Variants in GPM6A observed in about 807,000 individuals in gnomAD.
The protein encoded by GPM6A is neuronal membrane glycoprotein M6-a.
Under a neutral mutation model 32.1 loss-of-function variants are expected in GPM6A, and 7 were observed. The observed-to-expected ratio is 0.22, with a 90% CI of 0.12 to 0.41. GPM6A has a LOEUF of 0.41. Among genes scored for constraint, GPM6A ranks in the 10% least tolerant of loss-of-function variants. The pLI is 1.00. For synonymous variants in GPM6A, 130 were observed against 123.4 expected (o/e 1.05, Z -0.35); for missense variants, 235 against 347.2 (o/e 0.68, Z 2.57).
chr4:175,640,065 C>G (rs1741047850), intron 6 of GPM6A, 64 bp downstream of exon 6: 6 of 1,234,932 alleles, frequency 4.9e-6, no homozygotes, highest in Non-Finnish European at 6.0e-6. Flanking sequence ...AGTTTATCAT[C>G]TCTACAAGCA....
chr4:175,770,993 G>T (rs1374911173), intron 1 of GPM6A, among the ~76,000 whole-genome samples: 1 of 152,134 alleles, frequency 6.6e-6, no homozygotes, highest in Admixed American at 6.5e-5. Flanking sequence ...AGTACTTATT[G>T]AAAATATCAA....
intron 1 of GPM6A, among the ~76,000 whole-genome samples, chr4:175,992,038 C>A (rs547926272): frequency 3.6e-5 from 5 of 139,690 alleles, no homozygotes; most frequent in Non-Finnish European, 6.1e-5. Context: ...AAAACAAGAA[C>A]CCCCTACACA....
intron 1 of GPM6A, chr4:175,970,971 C>CGCTCA: frequency 2.3e-6 from 1 of 441,484 alleles, no homozygotes; most frequent in Non-Finnish European, 4.5e-6. Context: ...TGTGCTTGAG[C>CGCTCA]AGCGCAGAGC....
chr4:175,747,309 T>A (rs1288139765), intron 1 of GPM6A, among the ~76,000 whole-genome samples: 3 of 147,408 alleles, frequency 2.0e-5, no homozygotes, highest in African/African-American at 2.5e-5. Flanking sequence ...CCCTAAGACA[T>A]AGTATTTTTC....
At chr4:175,850,713 T>G (rs1292842846) in intron 1 of GPM6A, among the ~76,000 whole-genome samples, 3 of 151,758 alleles carry the variant, frequency 2.0e-5, no homozygotes, top group African/African-American at 7.3e-5. Context: ...GTAAAATAAA[T>G]AAGTATGTAA....
At chr4:175,759,464 T>A (rs1386809189) in intron 1 of GPM6A, among the ~76,000 whole-genome samples, 1 of 152,230 alleles carries the variant, frequency 6.6e-6, no homozygotes, top group Non-Finnish European at 1.5e-5. Flanking sequence ...AAATAATTTT[T>A]GTTATGAATT....
intron 1 of GPM6A, among the ~76,000 whole-genome samples, chr4:175,969,249 G>A (rs941905675): frequency 1.3e-5 from 2 of 152,164 alleles, no homozygotes; most frequent in Non-Finnish European, 2.9e-5. Flanking sequence ...GGTGGCAGAG[G>A]TCTAGTACAA....
upstream of GPM6A, among the ~76,000 whole-genome samples, chr4:175,815,754 G>A (rs190871499): frequency 1.1e-5 from 1 of 91,426 alleles, no homozygotes; most frequent in African/African-American, 4.4e-5. Flanking sequence ...TTTTGCTCTT[G>A]TTGACCAGGC....
chr4:175,975,062 A>G lies in GPM6A; in HGVS notation c.-23+27247T>C, dbSNP rs941468376. Among the ~76,000 whole-genome samples, 4 of 152,056 alleles carry G rather than the reference A, an allele frequency of 2.6e-5. No individual in the cohort carries two copies. In the East Asian group the frequency reaches 7.7e-4, roughly 29 times the overall value. On this transcript the variant is annotated intron_variant, in intron 1 of 7. Transcript: ENST00000280187. ...ACCTCTCCACTTTCAGCCTTCACAC[A>G]TGCCTCTCTAATACAACAAGCTAGT... is the stretch of plus-strand genomic sequence containing the variant.
At chr4:175,833,509 G>C (rs146928016) in intron 1 of GPM6A, among the ~76,000 whole-genome samples, 81 of 152,186 alleles carry the variant, frequency 5.3e-4, no homozygotes, top group African/African-American at 1.9e-3. Flanking sequence ...TATCTTCCTA[G>C]ATAACAGGTA....
intron 1 of GPM6A, among the ~76,000 whole-genome samples, chr4:175,804,674 C>A (rs1734612338): frequency 6.6e-6 from 1 of 152,134 alleles, no homozygotes; most frequent in Non-Finnish European, 1.5e-5. Context: ...ATAAATCATG[C>A]TAGTAAAAGT....
At chr4:175,996,634 C>T (rs1157618460) in intron 1 of GPM6A, among the ~76,000 whole-genome samples, 1 of 152,186 alleles carries the variant, frequency 6.6e-6, no homozygotes, top group African/African-American at 2.4e-5. Context: ...TCTACCAACA[C>T]ATTTCCACCC....
At chr4:175,988,452 T>C (rs1741043850) in intron 1 of GPM6A, among the ~76,000 whole-genome samples, 1 of 152,162 alleles carries the variant, frequency 6.6e-6, no homozygotes, top group African/African-American at 2.4e-5. Context: ...TCATTTTCAC[T>C]AGGAGATGAA....
intron 3 of GPM6A, among the ~76,000 whole-genome samples, chr4:175,653,682 A>G (rs1458107760): frequency 1.3e-5 from 2 of 152,120 alleles, no homozygotes; most frequent in Admixed American, 6.6e-5. Flanking sequence ...ACAAACACTT[A>G]TGAGGCAAAA....
At chr4:175,732,708 G>A (rs1264129024) in intron 1 of GPM6A, among the ~76,000 whole-genome samples, 2 of 152,118 alleles carry the variant, frequency 1.3e-5, no homozygotes, top group Non-Finnish European at 2.9e-5. Flanking sequence ...CTTGTAGTAT[G>A]TGATACTAGA....
intron 1 of GPM6A, among the ~76,000 whole-genome samples, chr4:175,780,046 C>CT (rs112638875): frequency 1.4e-3 from 201 of 143,900 alleles, no homozygotes; most frequent in Admixed American, 2.0e-3. Flanking sequence ...CATGTGTTAA[C>CT]TTTTTTTTTT....
At chr4:175,653,013 C>T (rs1741890852) in intron 3 of GPM6A, among the ~76,000 whole-genome samples, 1 of 152,118 alleles carries the variant, frequency 6.6e-6, no homozygotes, top group African/African-American at 2.4e-5. Flanking sequence ...CTGAATGAAA[C>T]TAGACCTCTT....
At chr4:175,714,930 C>A (rs1344261436) in intron 1 of GPM6A, among the ~76,000 whole-genome samples, 1 of 150,866 alleles carries the variant, frequency 6.6e-6, no homozygotes. Context: ...GATACATAAG[C>A]CCCTAGGGTA....
Position 175,651,978 on chromosome 4 carries a change from G to A in GPM6A, c.397C>T (p.Leu133=). ...CAGGCCAACATGAAAAGATATGTCAGCATAATGAACTGCAAAAGAGAAAGA... is the reference window on the plus strand; with the variant it reads ...CAGGCCAACATGAAAAGATATGTCAACATAATGAACTGCAAAAGAGAAAGA... ...GRCVSAWFIM[L]TYLFMLAWLG... Residue 133 remains leucine, a synonymous_variant, in exon 4 of 7, where the codon CTG becomes TTG. Coordinates refer to ENST00000393658, the MANE Select transcript of GPM6A (RefSeq NM_201591.3). The A allele has an allele frequency of 6.2e-7, 1 of 1,607,556 alleles. No individual in the cohort carries two copies. Among genetic ancestry groups the A allele is most frequent in the Admixed American group, 1.7e-5 (1 of 58,444 alleles).
Sources: gnomAD v4.1 joint callset for allele counts (sites outside exome capture counted in the v4.1 genomes callset) on GRCh38, gnomAD v4.1.1 for gene constraint, MANE v1.5 for transcripts, NCBI Gene and HGNC (gene_info 2026-07-23, HGNC 2026-07-21) for gene names.